The following CCDC77 variants were observed in gnomAD, a reference collection of about 807,000 sequenced individuals.
The protein encoded by CCDC77 is coiled-coil domain containing 77, also known as coiled-coil domain-containing protein 77.
CCDC77 carries 56 observed loss-of-function variants against 66.8 expected under a neutral mutation model. The ratio of observed to expected loss-of-function variants is 0.84; its 90% CI spans 0.68 to 1.05. CCDC77 has a LOEUF of 1.05. Among genes scored for constraint, CCDC77 ranks in the 50% least tolerant of loss-of-function variants. The pLI is 0.00. For missense variants in CCDC77, 570 were observed against 576.8 expected (o/e 0.99, Z 0.12); for synonymous variants, 196 against 195.2 (o/e 1.00, Z -0.03).
chr12:423,735 G>A lies in CCDC77; in HGVS notation c.414-5034G>A, dbSNP rs186334084. ...TGGTCTCACACTCCTGGGCTCAAGC[G>A]ATTTGCCCACCTTGGCTTCCCGAAG... On this transcript the variant is annotated intron_variant, in intron 5 of 12. Coordinates refer to ENST00000239830, the MANE Select transcript of CCDC77 (RefSeq NM_032358.4). Among the ~76,000 whole-genome samples the A allele has an allele frequency of 1.2e-4, 18 of 151,798 alleles. No homozygotes were observed. The East Asian group carries it at 3.5e-3, about 30-fold the overall frequency.
chr12:438,912 C>CA (rs746794691), intron 10 of CCDC77, among the ~76,000 whole-genome samples: 8,243 of 106,342 alleles, frequency 0.078, 532 homozygotes, highest in African/African-American at 0.2. Context: ...ACTAAAAATA[C>CA]AAAAAAAAAA....
intron 5 of CCDC77, 50 bp from the exon 6 acceptor site, chr12:428,719 C>A: frequency 7.9e-7 from 1 of 1,262,560 alleles, no homozygotes; most frequent in East Asian, 2.5e-5. Flanking sequence ...AAAAAGGTTA[C>A]TTACTTGGGA....
intron 2 of CCDC77, 137 bp from the exon 3 acceptor site, chr12:409,231 A>T (rs1394051827): frequency 3.0e-6 from 2 of 675,152 alleles, no homozygotes; most frequent in Admixed American, 3.0e-5. Flanking sequence ...AAAAGAAAAA[A>T]AAAACTACAT....
At chr12:418,930 C>G (rs1945339283) in intron 5 of CCDC77, 1 of 300,168 alleles carries the variant, frequency 3.3e-6, no homozygotes, top group African/African-American at 2.2e-5. Flanking sequence ...AACTCTTGGC[C>G]TCAAGTGATC....
rs1565569252 is a variant in CCDC77 at position 416,389 on chromosome 12, A to ATG, written c.271-2104_271-2103insGT. ...TGTGTGTGTGTGTGTATATATATAT[A>ATG]TATATATATATATATATATATATAT... is the stretch of plus-strand genomic sequence containing the variant. On this transcript the variant is annotated intron_variant, in intron 4 of 12. Transcript: ENST00000239830. 4.2e-3 allele frequency among the ~76,000 whole-genome samples: 192 copies of ATG among 45,280 alleles called. 15 individuals are homozygous for ATG. The highest frequency in any genetic ancestry group is 0.015 in the African/African-American group (176 of 11,534). 29.7% of individuals were successfully genotyped at this position (45,280 alleles called of 152,430 possible).
At chr12:418,734 C>T in intron 5 of CCDC77, 98 bp downstream of exon 5, 1 of 1,351,948 alleles carries the variant, frequency 7.4e-7, no homozygotes, top group Non-Finnish European at 1.0e-6. Context: ...CAGTATCACT[C>T]TATTGCCCAG....
chr12:397,959 T>C (rs1402167249), upstream of CCDC77, among the ~76,000 whole-genome samples: 1 of 152,186 alleles, frequency 6.6e-6, no homozygotes, highest in Non-Finnish European at 1.5e-5. Flanking sequence ...AAATACTTTA[T>C]TCTAAAAATG....
intron 4 of CCDC77, among the ~76,000 whole-genome samples, chr12:415,918 G>A (rs914307399): frequency 1.3e-5 from 2 of 152,164 alleles, no homozygotes; most frequent in East Asian, 3.9e-4. Flanking sequence ...CAATTCTCCT[G>A]CCTCAGCCTC....
At chr12:406,306 GC>G (rs1397646516) in intron 2 of CCDC77, among the ~76,000 whole-genome samples, 3 of 152,190 alleles carry the variant, frequency 2.0e-5, no homozygotes, top group Non-Finnish European at 4.4e-5. Context: ...TGACATTTTA[GC>G]CCTGAAGGAG....
At chr12:422,240 T>G (rs1477298887) in intron 5 of CCDC77, among the ~76,000 whole-genome samples, 3 of 144,582 alleles carry the variant, frequency 2.1e-5, no homozygotes, top group African/African-American at 7.6e-5. Flanking sequence ...AGTGCTCTTC[T>G]GTGTGTGTGT....
chr12:416,579 G>T (rs1306593969), intron 4 of CCDC77, among the ~76,000 whole-genome samples: 2 of 150,034 alleles, frequency 1.3e-5, no homozygotes, highest in Non-Finnish European at 3.0e-5. Context: ...ACACTCAGCT[G>T]ATTTTTGTTT....
At chr12:441,633 A>T in intron 12 of CCDC77, 141 bp from the exon 13 acceptor site, 1 of 851,442 alleles carries the variant, frequency 1.2e-6, no homozygotes, top group Non-Finnish European at 1.8e-6. Flanking sequence ...TTAGTTAGCC[A>T]CTGAACAAAG....
chr12:389,515 T>G, intron 1 of CCDC77: 2 of 199,834 alleles, frequency 1.0e-5, no homozygotes, highest in Non-Finnish European at 2.1e-5. Flanking sequence ...GCACAAGCTC[T>G]TCTTTACTAG....
At chr12:391,967 C>G (rs557912470) in intron 1 of CCDC77, among the ~76,000 whole-genome samples, 1 of 152,350 alleles carries the variant, frequency 6.6e-6, no homozygotes, top group South Asian at 2.1e-4. Context: ...ATGAACCCCA[C>G]TCCCACCTCT....
chr12:402,538 G>T (rs1591957987), intron 1 of CCDC77, among the ~76,000 whole-genome samples: 1 of 152,198 alleles, frequency 6.6e-6, no homozygotes, highest in Non-Finnish European at 1.5e-5. Flanking sequence ...TATGGAGGCA[G>T]GAAAGTTATC....
At chr12:394,474 G>A (rs537437218) in intron 1 of CCDC77, among the ~76,000 whole-genome samples, 68 of 152,316 alleles carry the variant, frequency 4.5e-4, no homozygotes, top group Non-Finnish European at 7.3e-4. Context: ...TGAGGGACCA[G>A]CGTTTTACCC....
chr12:416,381 A>ATATATG (rs1945277003), intron 4 of CCDC77, among the ~76,000 whole-genome samples: 1 of 20,552 alleles, frequency 4.9e-5, no homozygotes, highest in Non-Finnish European at 8.7e-5. Context: ...GTGTGTGTAT[A>ATATATG]TATATATATA....
intron 5 of CCDC77, among the ~76,000 whole-genome samples, chr12:425,203 T>G (rs1945504847): frequency 1.3e-5 from 2 of 151,380 alleles, no homozygotes; most frequent in African/African-American, 4.9e-5. Context: ...AGTGCTGGGA[T>G]GTCAAGCGTG....
chr12:393,907 G>A (rs75990272), intron 1 of CCDC77, among the ~76,000 whole-genome samples: 1 of 152,060 alleles, frequency 6.6e-6, no homozygotes, highest in African/African-American at 2.4e-5. Flanking sequence ...AGAAAATACT[G>A]GTTCACTGAG....
Sources: allele counts gnomAD v4.1 joint callset (sites outside exome capture counted in the v4.1 genomes callset), GRCh38; gene constraint gnomAD v4.1.1; transcripts MANE v1.5; gene names NCBI Gene and HGNC (gene_info 2026-07-23, HGNC 2026-07-21).